The following TTYH1 variants were observed in gnomAD, a reference collection of about 807,000 sequenced individuals.
TTYH1 encodes tweety family member 1, also known as protein tweety homolog 1.
A neutral mutation model predicts 61.2 loss-of-function variants in TTYH1; 33 were observed. That is an observed-to-expected ratio of 0.54 (90% confidence interval 0.41 to 0.72). The LOEUF (loss-of-function observed/expected upper bound fraction) is 0.72, where lower values mean the gene tolerates loss of function less well. Ranked by LOEUF, TTYH1 falls within the 30% of genes least tolerant of loss-of-function variation. TTYH1 has a pLI of 0.00. For missense variants in TTYH1, 538 were observed against 575.8 expected, an observed-to-expected ratio of 0.93 and a Z score of 0.67; for synonymous variants, 308 against 266.4, an observed-to-expected ratio of 1.16 and a Z score of -1.52.
chr19:54,419,308 T>C lies in TTYH1; in HGVS notation c.305+2T>C. On this transcript the variant is annotated splice_donor_variant, in intron 2 of 13. Transcript: ENST00000376530. LOFTEE classifies it high-confidence loss of function. The surrounding 1 kb of genome is among the most constrained non-coding windows in gnomAD (Gnocchi z 6.1). ...CATTGTCGCCCTTCTCGCCGGCTGG[T>C]AATGGGGCCCCAGGGTGGGTGGGCG... is the stretch of plus-strand genomic sequence containing the variant. The C allele has an allele frequency of 1.9e-6, 3 of 1,591,662 alleles. No homozygotes were observed. The highest frequency in any genetic ancestry group is 2.6e-6 in the Non-Finnish European group (3 of 1,174,014).
rs754171065 is a variant in TTYH1, at chr19:54,419,819, G to T, written c.305+513G>T. Among the ~76,000 whole-genome samples the T allele has an allele frequency of 2.0e-5, 3 of 152,122 alleles. No homozygotes were observed. Among genetic ancestry groups the T allele is most frequent in the Non-Finnish European group, 4.4e-5 (3 of 68,032 alleles). On this transcript the variant is annotated intron_variant, in intron 2 of 13. Coordinates refer to ENST00000376530, the MANE Select transcript of TTYH1 (RefSeq NM_020659.4). The surrounding 1 kb of genome is among the most constrained non-coding windows in gnomAD (Gnocchi z 6.1). ...ACTGTTTATTGAGTATTTACTATGT[G>T]CCAGATACTGACCAAGCCAGGCAAG...
In TTYH1 at chr19:54,416,376, C is replaced by T; in HGVS notation, c.126+698C>T. 1 of 244,838 alleles carries T rather than the reference C, an allele frequency of 4.1e-6. No individual in the cohort carries two copies. The allele number at this position is 244,838 out of a possible 1,614,324, so 15.2% of individuals were successfully genotyped here. A position where few individuals can be genotyped will look rare whatever the true frequency, so the allele number is the denominator to read the frequency against. The stretch of plus-strand genomic sequence containing the variant: ...GGCCGGTGTGGGAACCTCACAGAAG[C>T]CGGTGTCCCTGGGGAAGGGGCCCGG... On this transcript the variant is annotated intron_variant, in intron 1 of 13. Coordinates refer to ENST00000376530, the MANE Select transcript of TTYH1 (RefSeq NM_020659.4). This position sits in a 1 kb window ranked among gnomAD's most constrained non-coding sequence, Gnocchi z 7.0.
Position 54,416,667 on chromosome 19 carries a change from G to T in TTYH1, c.126+989G>T. On this transcript the variant is annotated intron_variant, in intron 1 of 13. Coordinates refer to ENST00000376530, the MANE Select transcript of TTYH1 (RefSeq NM_020659.4). The surrounding 1 kb of genome is among the most constrained non-coding windows in gnomAD (Gnocchi z 7.0). ...GGGGGTCCCAGAAAAGCGCGGAGGGGATGAGTGCTGTGTTCTGAGCTATTT... is the reference window on the plus strand; with the variant it reads ...GGGGGTCCCAGAAAAGCGCGGAGGGTATGAGTGCTGTGTTCTGAGCTATTT... 9.5e-7 allele frequency: 1 copy of T among 1,052,822 alleles called. No individual in the cohort carries two copies. Among genetic ancestry groups the T allele is most frequent in the Non-Finnish European group, 1.3e-6 (1 of 793,212 alleles). The allele number at this position is 1,052,822 out of a possible 1,614,324, so 65.2% of individuals were successfully genotyped here.
At position 54,415,722 on chromosome 19, in the gene TTYH1, G is replaced by C. The variant is rs768183272; in HGVS notation, c.126+44G>C. The C allele has an allele frequency of 6.8e-6, 10 of 1,481,284 alleles. No homozygotes were observed. In the Admixed American group the frequency reaches 2.2e-4, roughly 33 times the overall value. 91.8% of individuals were successfully genotyped at this position (1,481,284 alleles called of 1,614,324 possible). A position where few individuals can be genotyped will look rare whatever the true frequency, so the allele number is the denominator to read the frequency against. ...GCCTGGGGGCCAGGGCTGGGGGCCG[G>C]AGCTCCTGGGTCCCGAGGGAGAAGG... On this transcript the variant is annotated intron_variant, in intron 1 of 13. Coordinates refer to ENST00000376530, the MANE Select transcript of TTYH1 (RefSeq NM_020659.4). The surrounding 1 kb of genome is among the most constrained non-coding windows in gnomAD (Gnocchi z 5.2).
chr19:54,431,073 G>C (rs1381797516), intron 9 of TTYH1, 26 bp from the exon 10 acceptor site: 1 of 1,589,500 alleles, frequency 6.3e-7, no homozygotes, highest in Admixed American at 1.7e-5. Flanking sequence ...GAGTTCGTGG[G>C]AAAACGACCC....
rs373316298 is a variant in TTYH1 at position 54,423,332 on chromosome 19, G to T, written c.638+922G>T. On this transcript the variant is annotated intron_variant, in intron 4 of 13. Transcript: ENST00000376530. ...CCTGCCGCAGCCTCCCAAGTAGCTG[G>T]CATTACAGGCAGGCGCCACCACGCC... Among the ~76,000 whole-genome samples, 224 of 151,936 alleles carry T rather than the reference G, an allele frequency of 1.5e-3. 7 individuals carry two copies. In the South Asian group the frequency reaches 0.044, roughly 30 times the overall value.
intron 4 of TTYH1, chr19:54,426,471 A>C (rs1182164454): frequency 1.6e-6 from 1 of 607,958 alleles, no homozygotes; most frequent in Non-Finnish European, 3.0e-6. Context: ...AAACCGCTCC[A>C]GTGTCCTGTC....
Position 54,435,419 on chromosome 19 carries a change from GCACA to G in TTYH1, c.1126-122_1126-119del, listed in dbSNP as rs1342264613. 421 of 1,223,376 alleles carry G rather than the reference GCACA, an allele frequency of 3.4e-4. No homozygotes were observed. In the African/African-American group the frequency reaches 5.9e-3, roughly 17 times the overall value. 75.8% of individuals were successfully genotyped at this position (1,223,376 alleles called of 1,614,324 possible). A position where few individuals can be genotyped will look rare whatever the true frequency, so the allele number is the denominator to read the frequency against. Reference sequence around the variant, plus strand: ...CTGCCCTTTGACAGGGGAAACTGAGGCACAGAGTGGTCAGTTGACGTGTGCAGTA... The same window carrying G: ...CTGCCCTTTGACAGGGGAAACTGAGGGAGTGGTCAGTTGACGTGTGCAGTA... On this transcript the variant is annotated intron_variant, in intron 10 of 13. Coordinates refer to ENST00000376530, the MANE Select transcript of TTYH1 (RefSeq NM_020659.4).
rs78679406 is a variant in TTYH1, at chr19:54,434,069, A to G, written c.1126-1473A>G. The G allele has an allele frequency of 0.029, 4,444 of 152,244 alleles. 95 individuals are homozygous for G. Among genetic ancestry groups the G allele is most frequent in the South Asian group, 0.086 (414 of 4,810 alleles). The allele number at this position is 152,244 out of a possible 1,614,324, so 9.4% of individuals were successfully genotyped here. On this transcript the variant is annotated intron_variant, in intron 10 of 13. Coordinates refer to ENST00000376530, the MANE Select transcript of TTYH1 (RefSeq NM_020659.4). This position sits in a 1 kb window ranked among gnomAD's most constrained non-coding sequence, Gnocchi z 4.3. ...GCTCCTGCCAGAAACTCAGGCTCTT[A>G]GCTCCCACAACCATTCTCAGAACAA... is the stretch of plus-strand genomic sequence containing the variant.
intron 4 of TTYH1, among the ~76,000 whole-genome samples, chr19:54,423,553 C>A (rs2083262327): frequency 6.6e-6 from 1 of 152,166 alleles, no homozygotes; most frequent in African/African-American, 2.4e-5. Context: ...CCAGCCCCAC[C>A]CTAACCACGC....
rs755523718 is a variant in TTYH1, at chr19:54,430,909, G to A, written c.1032+4G>A. ...GCCTCAGTTCCCTTCAGCGCAGGTC[G>A]GTGGGTGGGCGCTCCCCAGACACGC... On this transcript the variant is annotated splice_donor_region_variant and intron_variant, in intron 9 of 13. Coordinates refer to ENST00000376530, the MANE Select transcript of TTYH1 (RefSeq NM_020659.4). 2 of 1,611,948 alleles carry A rather than the reference G, an allele frequency of 1.2e-6. No homozygotes were observed. Among genetic ancestry groups the A allele is most frequent in the Admixed American group, 1.7e-5 (1 of 59,990 alleles).
At chr19:54,435,955 G>A in intron 12 of TTYH1, 82 bp downstream of exon 12, 1 of 1,588,786 alleles carries the variant, frequency 6.3e-7, no homozygotes. Context: ...TGAGGGCCTG[G>A]CCGCCTGGGT....
chr19:54,435,949 G>T, intron 12 of TTYH1, 76 bp downstream of exon 12: 2 of 1,596,706 alleles, frequency 1.3e-6, no homozygotes, highest in Non-Finnish European at 1.7e-6. Flanking sequence ...AGGAGCTGAG[G>T]GCCTGGCCGC....
At chr19:54,423,529 A>G (rs2083261881) in intron 4 of TTYH1, among the ~76,000 whole-genome samples, 1 of 152,116 alleles carries the variant, frequency 6.6e-6, no homozygotes, top group African/African-American at 2.4e-5. Flanking sequence ...CAGGAACCTG[A>G]GCTCGAAAGC....
At position 54,436,660 on chromosome 19, in the gene TTYH1, C is replaced by T. The variant is rs781687049; in HGVS notation, c.*370C>T. ...GGGCTCTGACCCCCTGATCTCAACTCGTGGCACTAACTTGGAAAAGGGTTG... is the reference window on the plus strand; with the variant it reads ...GGGCTCTGACCCCCTGATCTCAACTTGTGGCACTAACTTGGAAAAGGGTTG... On this transcript the variant is annotated 3_prime_UTR_variant, in exon 14 of 14. Transcript: ENST00000376530. The surrounding 1 kb of genome is among the most constrained non-coding windows in gnomAD (Gnocchi z 4.3). 4.7e-5 allele frequency: 24 copies of T among 515,400 alleles called. No homozygotes were observed. The highest frequency in any genetic ancestry group is 1.8e-4 in the South Asian group (6 of 32,980). The allele number at this position is 515,400 out of a possible 1,614,324, so 31.9% of individuals were successfully genotyped here. A position where few individuals can be genotyped will look rare whatever the true frequency, so the allele number is the denominator to read the frequency against.
chr19:54,423,656 G>A (rs1216378047), intron 4 of TTYH1, among the ~76,000 whole-genome samples: 4 of 152,146 alleles, frequency 2.6e-5, no homozygotes, highest in East Asian at 1.9e-4. Flanking sequence ...GAATTGGTTC[G>A]AGTTGTTGAG....
At chr19:54,418,245 G>C (rs901441646) in intron 1 of TTYH1, 11 of 152,326 alleles carry the variant, frequency 7.2e-5, no homozygotes, top group African/African-American at 2.4e-4. Flanking sequence ...ATTCTGCAAG[G>C]CTCTGCCCAC....
rs534186304 is a variant in TTYH1, at chr19:54,422,640, G to A, written c.638+230G>A. On this transcript the variant is annotated intron_variant, in intron 4 of 13. Coordinates refer to ENST00000376530, the MANE Select transcript of TTYH1 (RefSeq NM_020659.4). ...ATCCAGCCACCATGACAATTATGAC[G>A]AGGCTGGCCAGGCGCGGTGGCTCAG... Among the ~76,000 whole-genome samples the A allele has an allele frequency of 2.0e-4, 31 of 152,130 alleles. 1 individual carries two copies. Among genetic ancestry groups the A allele is most frequent in the Admixed American group, 6.5e-4 (10 of 15,274 alleles).
intron 5 of TTYH1, among the ~76,000 whole-genome samples, chr19:54,428,415 G>A (rs975860119): frequency 2.0e-5 from 3 of 151,788 alleles, no homozygotes; most frequent in African/African-American, 7.3e-5. Flanking sequence ...TTGTAGAGAT[G>A]GAGTCTTGCT....
Sources: allele counts gnomAD v4.1 joint callset (sites outside exome capture counted in the v4.1 genomes callset), GRCh38; gene constraint gnomAD v4.1.1; non-coding constraint Gnocchi (gnomAD v3.1); transcripts MANE v1.5; gene names NCBI Gene and HGNC (gene_info 2026-07-23, HGNC 2026-07-21).